The following PDXDC1 variants were observed in gnomAD, a reference collection of about 807,000 sequenced individuals.
PDXDC1 encodes the protein pyridoxal-dependent decarboxylase domain-containing protein 1.
Under a neutral mutation model 100.1 loss-of-function variants are expected in PDXDC1, and 42 were observed. The ratio of observed to expected loss-of-function variants is 0.42; its 90% CI spans 0.33 to 0.54. The LOEUF is 0.54. PDXDC1 is among the 20% of genes least tolerant of loss of function. The pLI is 0.10. For missense variants in PDXDC1, 636 were observed against 979.2 expected, an observed-to-expected ratio of 0.65 and a Z score of 4.68; for synonymous variants, 260 against 371.7, an observed-to-expected ratio of 0.70 and a Z score of 3.46.
At chr16:15,058,316 A>C (rs1487573560) in intron 16 of PDXDC1, among the ~76,000 whole-genome samples, 1 of 152,038 alleles carries the variant, frequency 6.6e-6, no homozygotes, top group Non-Finnish European at 1.5e-5. Context: ...AAAGAAAAAG[A>C]AAGCACTAAT....
In PDXDC1 at chr16:15,038,171, C is replaced by A. The variant is rs1298572974; in HGVS notation, c.*1896C>A. The A allele has an allele frequency of 6.2e-7, 1 of 1,613,226 alleles. No homozygotes were observed. The highest frequency in any genetic ancestry group is 8.5e-7 in the Non-Finnish European group (1 of 1,179,736). ...ATCAAGGTAGATCTAATATGTTCAACAAAGTGGGGTGGCTCAGCCAGAGGC... is the reference window on the plus strand; with the variant it reads ...ATCAAGGTAGATCTAATATGTTCAAAAAAGTGGGGTGGCTCAGCCAGAGGC... On this transcript the variant is annotated 3_prime_UTR_variant, in exon 23 of 23. Coordinates refer to ENST00000396410, the MANE Select transcript of PDXDC1 (RefSeq NM_015027.4).
chr16:14,986,279 C>G (rs1210299646), intron 1 of PDXDC1, among the ~76,000 whole-genome samples: 1 of 152,276 alleles, frequency 6.6e-6, no homozygotes, highest in African/African-American at 2.4e-5. Flanking sequence ...TTGACCCGGC[C>G]AACATGGTAA....
chr16:14,975,905 C>T (rs1966766151), intron 1 of PDXDC1, among the ~76,000 whole-genome samples: 1 of 152,296 alleles, frequency 6.6e-6, no homozygotes, highest in Admixed American at 6.5e-5. Flanking sequence ...GCGTAGATTG[C>T]GAATTGAGTT....
intron 16 of PDXDC1, chr16:15,063,363 G>A (rs1314597788): frequency 1.4e-5 from 14 of 1,035,488 alleles, no homozygotes; most frequent in Middle Eastern, 4.0e-4. Flanking sequence ...TTTCTCACAA[G>A]ATCTATTACC....
At chr16:15,090,661 T>C (rs1374505403) in intron 16 of PDXDC1, among the ~76,000 whole-genome samples, 3 of 152,146 alleles carry the variant, frequency 2.0e-5, no homozygotes, top group African/African-American at 4.8e-5. Flanking sequence ...CAGTGGAAAA[T>C]AGAGGCAGAG....
intron 16 of PDXDC1, among the ~76,000 whole-genome samples, chr16:15,129,556 C>T (rs550556792): frequency 1.3e-5 from 2 of 152,228 alleles, no homozygotes; most frequent in Non-Finnish European, 2.9e-5. Flanking sequence ...GTCTGAGAGA[C>T]GAGCTATGCA....
At chr16:15,028,626 G>C (rs2042811686) in intron 14 of PDXDC1, among the ~76,000 whole-genome samples, 1 of 152,300 alleles carries the variant, frequency 6.6e-6, no homozygotes, top group African/African-American at 2.4e-5. Flanking sequence ...GTTTCCCCTT[G>C]AAATCCCTTG....
chr16:15,111,389 A>G (rs1483582730), intron 16 of PDXDC1, among the ~76,000 whole-genome samples: 1 of 146,712 alleles, frequency 6.8e-6, no homozygotes, highest in African/African-American at 2.5e-5. Context: ...CCAGCAGGAA[A>G]AAGTTGTGTT....
chr16:15,035,948 C>T (rs1567735909), intron 22 of PDXDC1, 68 bp from the exon 23 acceptor site: 1 of 1,466,080 alleles, frequency 6.8e-7, no homozygotes, highest in Non-Finnish European at 9.3e-7. Context: ...TTATCTGTTG[C>T]AGAGACAGCC....
intron 16 of PDXDC1, among the ~76,000 whole-genome samples, chr16:15,097,468 CAA>C (rs71152407): frequency 1.7e-4 from 11 of 65,850 alleles, no homozygotes; most frequent in Admixed American, 6.7e-4. Context: ...ACTAAAAATA[CAA>C]AAAAAAAAAA....
chr16:15,072,048 T>G (rs558432784), intron 16 of PDXDC1, among the ~76,000 whole-genome samples: 2 of 151,994 alleles, frequency 1.3e-5, no homozygotes, highest in African/African-American at 4.8e-5. Context: ...ATGCCAATCA[T>G]GGAAAAAAAC....
At chr16:15,018,430 A>G (rs1364168847) in intron 11 of PDXDC1, among the ~76,000 whole-genome samples, 1 of 152,254 alleles carries the variant, frequency 6.6e-6, no homozygotes, top group Non-Finnish European at 1.5e-5. Context: ...TAATAATAAT[A>G]ATGTGGTTCT....
chr16:15,135,832 G>A (rs547719392), intron 16 of PDXDC1: 3 of 1,478,296 alleles, frequency 2.0e-6, no homozygotes, highest in African/African-American at 2.7e-5. Flanking sequence ...TGGCCTGGAT[G>A]CTCCGTGCCA....
At chr16:15,062,320 A>G (rs976620867) in intron 16 of PDXDC1, among the ~76,000 whole-genome samples, 1 of 152,216 alleles carries the variant, frequency 6.6e-6, no homozygotes, top group Non-Finnish European at 1.5e-5. Context: ...GCCCAGTGTT[A>G]GGAACTCTTG....
In PDXDC1 at chr16:15,038,274, T is replaced by C; in HGVS notation, c.*1999T>C. 2 of 1,147,818 alleles carry C rather than the reference T, an allele frequency of 1.7e-6. No individual in the cohort carries two copies. Among genetic ancestry groups the C allele is most frequent in the Non-Finnish European group, 2.5e-6 (2 of 789,390 alleles). The allele number at this position is 1,147,818 out of a possible 1,614,324, so 71.1% of individuals were successfully genotyped here. A position where few individuals can be genotyped will look rare whatever the true frequency, so the allele number is the denominator to read the frequency against. ...TTACTGTCCCCTGCTGTGATAAAGA[T>C]GTCAAAGTATCTTTGTTCTTGGACA... On this transcript the variant is annotated 3_prime_UTR_variant, in exon 23 of 23. Coordinates refer to ENST00000396410, the MANE Select transcript of PDXDC1 (RefSeq NM_015027.4).
At chr16:15,014,008 A>G (rs1214834632) in intron 8 of PDXDC1, among the ~76,000 whole-genome samples, 1 of 152,278 alleles carries the variant, frequency 6.6e-6, no homozygotes, top group Non-Finnish European at 1.5e-5. Context: ...GGAGTTCAAG[A>G]CCAGCCTGGC....
Position 15,036,596 on chromosome 16 carries a change from A to C in PDXDC1, c.*321A>C, listed in dbSNP as rs946187558. On this transcript the variant is annotated 3_prime_UTR_variant, in exon 23 of 23. Coordinates refer to ENST00000396410, the MANE Select transcript of PDXDC1 (RefSeq NM_015027.4). The stretch of plus-strand genomic sequence containing the variant: ...CTTGCTCTTTCTAAACATAAGCCTA[A>C]GTATATGAGGTTGCCCGTGGCAACT... 5.4e-6 allele frequency: 2 copies of C among 367,980 alleles called. No homozygotes were observed. The highest frequency in any genetic ancestry group is 2.0e-5 in the African/African-American group (1 of 49,012). 22.8% of individuals were successfully genotyped at this position (367,980 alleles called of 1,614,324 possible).
chr16:15,033,688 C>T (rs1461436810), intron 19 of PDXDC1, among the ~76,000 whole-genome samples: 1 of 152,188 alleles, frequency 6.6e-6, no homozygotes, highest in Non-Finnish European at 1.5e-5. Flanking sequence ...CAGGCAGACA[C>T]ATTCACCCCT....
At chr16:15,127,856 C>T in intron 16 of PDXDC1, 1 of 1,565,512 alleles carries the variant, frequency 6.4e-7, no homozygotes, top group Non-Finnish European at 8.6e-7. Flanking sequence ...CACTGCAGCT[C>T]AGCCACCAGC....
Sources: gnomAD v4.1 joint callset for allele counts (sites outside exome capture counted in the v4.1 genomes callset) on GRCh38, gnomAD v4.1.1 for gene constraint, MANE v1.5 for transcripts, NCBI Gene and HGNC (gene_info 2026-07-23, HGNC 2026-07-21) for gene names.